Variants in EDN1 observed in about 807,000 individuals in gnomAD.
EDN1 encodes the protein endothelin-1.
EDN1 carries 11 observed loss-of-function variants against 21.7 expected under a neutral mutation model. That is an observed-to-expected ratio of 0.51 (90% CI 0.32 to 0.84). EDN1 has a LOEUF of 0.84. Among genes scored for constraint, EDN1 ranks in the 40% least tolerant of loss-of-function variants. The pLI is 0.03. For synonymous variants in EDN1, 85 were observed against 90.6 expected (o/e 0.94, Z 0.35); for missense variants, 244 against 262.3 (o/e 0.93, Z 0.48).
At chr6:12,256,560 T>G in the EDN1 span, among the ~76,000 whole-genome samples, 1 of 152,188 alleles carries the variant, frequency 6.6e-6, no homozygotes, top group Non-Finnish European at 1.5e-5. Context: ...TGCATCCGTC[T>G]GTGACCCAGG....
chr6:12,241,814 T>C, the EDN1 span, among the ~76,000 whole-genome samples: 1 of 152,226 alleles, frequency 6.6e-6, no homozygotes. Context: ...TTATCTTCAG[T>C]AACTTTTGCA....
Position 12,292,294 on chromosome 6 carries a change from G to C in EDN1, c.65-47G>C, listed in dbSNP as rs1220583950. On this transcript the variant is annotated intron_variant, in intron 1 of 4. Transcript: ENST00000379375. ...TCTACTGTGATCCAGCATGTCTCTC[G>C]GCGTTTGAGGAGACATCCCCCACTG... 2.5e-6 allele frequency: 4 copies of C among 1,608,918 alleles called. No homozygotes were observed. The East Asian group carries it at 8.9e-5, about 36-fold the overall frequency.
the EDN1 span, among the ~76,000 whole-genome samples, chr6:12,253,802 C>T: frequency 6.6e-6 from 1 of 152,238 alleles, no homozygotes; most frequent in African/African-American, 2.4e-5. Flanking sequence ...TGTCCTACTG[C>T]CCCCAAAGCC....
In EDN1 at chr6:12,294,057, A is replaced by G. The variant is rs1762760699; in HGVS notation, c.350A>G (p.Lys117Arg). 6.2e-7 allele frequency: 1 copy of G among 1,614,222 alleles called. No homozygotes were observed. Residue 117 changes from lysine (K) to arginine (R), a missense_variant, in exon 3 of 5, where the codon AAG becomes AGG. Transcript: ENST00000379375. ...TGCCAATGTGCTAGCCAAAAAGACA[A>G]GAAGTGCTGGAATTTTTGCCAAGCA... The part of the protein sequence containing the change: ...NRCQCASQKD[K>R]KCWNFCQAGK...
At chr6:12,230,804 C>T in the EDN1 span, among the ~76,000 whole-genome samples, 3 of 152,014 alleles carry the variant, frequency 2.0e-5, no homozygotes, top group African/African-American at 7.3e-5. Context: ...TTGGCAAATA[C>T]GGAACTTCTG....
chr6:12,233,110 G>A, the EDN1 span, among the ~76,000 whole-genome samples: 1 of 152,172 alleles, frequency 6.6e-6, no homozygotes, highest in African/African-American at 2.4e-5. Flanking sequence ...TCCTTTACAG[G>A]GGTATTTCCC....
the EDN1 span, among the ~76,000 whole-genome samples, chr6:12,248,498 G>A: frequency 3.3e-5 from 5 of 152,180 alleles, no homozygotes; most frequent in African/African-American, 1.2e-4. Context: ...GAACATTGAA[G>A]TCTATGAGCA....
At chr6:12,264,045 A>G in the EDN1 span, among the ~76,000 whole-genome samples, 1 of 152,228 alleles carries the variant, frequency 6.6e-6, no homozygotes, top group Non-Finnish European at 1.5e-5. Flanking sequence ...GTAATACTCA[A>G]GGAGTTTTGC....
the EDN1 span, among the ~76,000 whole-genome samples, chr6:12,272,713 C>T: frequency 5.3e-5 from 8 of 152,020 alleles, no homozygotes; most frequent in East Asian, 1.9e-4. Flanking sequence ...GTGATCCACC[C>T]GCCTCGGCCT....
At chr6:12,238,259 G>C in the EDN1 span, among the ~76,000 whole-genome samples, 2 of 151,954 alleles carry the variant, frequency 1.3e-5, no homozygotes, top group Non-Finnish European at 2.9e-5. Context: ...TTTGGTTTTC[G>C]TGGGAGTTTG....
the EDN1 span, among the ~76,000 whole-genome samples, chr6:12,266,039 C>A: frequency 6.6e-6 from 1 of 152,094 alleles, no homozygotes. Flanking sequence ...ACCAGGGCCA[C>A]CCTCTTAAGT....
upstream of EDN1, among the ~76,000 whole-genome samples, chr6:12,285,399 G>A (rs990404634): frequency 6.6e-6 from 1 of 152,122 alleles, no homozygotes; most frequent in African/African-American, 2.4e-5. Flanking sequence ...GCATTTTTGT[G>A]TGGAATATTT....
chr6:12,266,887 C>A, the EDN1 span, among the ~76,000 whole-genome samples: 1 of 152,066 alleles, frequency 6.6e-6, no homozygotes, highest in Non-Finnish European at 1.5e-5. Context: ...TATAGTGTCT[C>A]TCTCAGAACT....
chr6:12,239,379 C>T, the EDN1 span, among the ~76,000 whole-genome samples: 1 of 152,128 alleles, frequency 6.6e-6, no homozygotes, highest in African/African-American at 2.4e-5. Flanking sequence ...AGGTCATGGC[C>T]ACCTAAAAGA....
chr6:12,268,333 C>A, the EDN1 span, among the ~76,000 whole-genome samples: 16 of 152,142 alleles, frequency 1.1e-4, no homozygotes, highest in Middle Eastern at 3.2e-3. Context: ...AGAATAATCC[C>A]ATTTAACTAC....
rs775126841 is a variant in EDN1 at position 12,294,417 on chromosome 6, G to A, written c.533+13G>A. 8.3e-5 allele frequency: 134 copies of A among 1,613,640 alleles called. No homozygotes were observed. The highest frequency in any genetic ancestry group is 1.1e-4 in the Non-Finnish European group (128 of 1,179,808). On this transcript the variant is annotated intron_variant, in intron 4 of 4. Transcript: ENST00000379375. ...TAAGACAAACCAGGTAAGAGGGAAG[G>A]AAGAAAAATTAGGTAAGAGGTTCAC... is the stretch of plus-strand genomic sequence containing the variant.
chr6:12,296,169 G>A lies in EDN1; in HGVS notation c.*102G>A. ...TGGGATCAGAGCAGGAGCATCCTCT[G>A]CTGGTTCCTGACTGGCAAAGGACCA... On this transcript the variant is annotated 3_prime_UTR_variant, in exon 5 of 5. Coordinates refer to ENST00000379375, the MANE Select transcript of EDN1 (RefSeq NM_001955.5). The A allele has an allele frequency of 9.5e-7, 1 of 1,052,008 alleles. No individual in the cohort carries two copies. The highest frequency in any genetic ancestry group is 1.5e-6 in the Non-Finnish European group (1 of 673,414). 65.2% of individuals were successfully genotyped at this position (1,052,008 alleles called of 1,614,324 possible). A position where few individuals can be genotyped will look rare whatever the true frequency, so the allele number is the denominator to read the frequency against.
At chr6:12,234,956 C>T in the EDN1 span, among the ~76,000 whole-genome samples, 1 of 152,174 alleles carries the variant, frequency 6.6e-6, no homozygotes, top group Non-Finnish European at 1.5e-5. Context: ...AATTACAGTG[C>T]TTCCTGAACT....
At chr6:12,240,100 G>A in the EDN1 span, among the ~76,000 whole-genome samples, 1 of 152,178 alleles carries the variant, frequency 6.6e-6, no homozygotes, top group African/African-American at 2.4e-5. Flanking sequence ...AATTCAGGTA[G>A]GCCAGATGCC....
Sources: gnomAD v4.1 joint callset for allele counts (sites outside exome capture counted in the v4.1 genomes callset) on GRCh38, gnomAD v4.1.1 for gene constraint, MANE v1.5 for transcripts, NCBI Gene and HGNC (gene_info 2026-07-23, HGNC 2026-07-21) for gene names.